DGAT2: variants seen among roughly 807,000 people sequenced by gnomAD.
The protein encoded by DGAT2 is acyl-CoA retinol O-fatty-acyltransferase.
DGAT2 carries 33 observed loss-of-function variants against 48.4 expected under a neutral mutation model. That is an observed-to-expected ratio of 0.68 (90% CI 0.52 to 0.91). The LOEUF (loss-of-function observed/expected upper bound fraction) is 0.91, where lower values mean the gene tolerates loss of function less well. Ranked by LOEUF, DGAT2 falls within the 40% of genes least tolerant of loss-of-function variation. The pLI is 0.00. For missense variants in DGAT2, 446 were observed against 493.7 expected, an observed-to-expected ratio of 0.90 and a Z score of 0.92; for synonymous variants, 191 against 194.1, an observed-to-expected ratio of 0.98 and a Z score of 0.13.
intron 1 of DGAT2, among the ~76,000 whole-genome samples, chr11:75,773,227 T>G (rs543334266): frequency 3.9e-5 from 6 of 152,342 alleles, no homozygotes; most frequent in African/African-American, 1.2e-4. Flanking sequence ...CCTCTGTCCC[T>G]GTAACCACCT....
At chr11:75,789,488 C>T (rs949271159) in intron 2 of DGAT2, among the ~76,000 whole-genome samples, 11 of 152,112 alleles carry the variant, frequency 7.2e-5, no homozygotes, top group Non-Finnish European at 1.2e-4. Context: ...ATGGGCTCTG[C>T]GCTTTGGCCT....
chr11:75,773,016 A>G (rs1426955987), intron 1 of DGAT2, among the ~76,000 whole-genome samples: 8 of 152,174 alleles, frequency 5.3e-5, no homozygotes, highest in African/African-American at 1.9e-4. Context: ...AACAAACAGA[A>G]AAAGAATATG....
rs1349052780 is a variant in DGAT2, at chr11:75,800,737, G to A, written c.*229G>A. On this transcript the variant is annotated 3_prime_UTR_variant, in exon 8 of 8. Coordinates refer to ENST00000228027, the MANE Select transcript of DGAT2 (RefSeq NM_032564.5). ...TGGTGGCTAAATCTGGGCCTAATCT[G>A]GGTGGCTCAGCTAACCTCTCTTCTT... The A allele has an allele frequency of 7.8e-6, 4 of 510,510 alleles. No homozygotes were observed. Among genetic ancestry groups the A allele is most frequent in the Non-Finnish European group, 1.4e-5 (4 of 291,338 alleles). 31.6% of individuals were successfully genotyped at this position (510,510 alleles called of 1,614,324 possible).
intron 1 of DGAT2, among the ~76,000 whole-genome samples, chr11:75,783,877 A>T (rs897858378): frequency 2.0e-5 from 3 of 152,138 alleles, no homozygotes; most frequent in Admixed American, 1.3e-4. Flanking sequence ...CACTTGATTG[A>T]TAGTGAACAT....
At chr11:75,798,715 G>A (rs530802899) in intron 7 of DGAT2, among the ~76,000 whole-genome samples, 1 of 152,306 alleles carries the variant, frequency 6.6e-6, no homozygotes, top group African/African-American at 2.4e-5. Flanking sequence ...GACTATTGCA[G>A]CAAAGACTAG....
At chr11:75,792,667 C>T (rs946098520) in intron 4 of DGAT2, 2 of 152,090 alleles carry the variant, frequency 1.3e-5, no homozygotes, top group African/African-American at 4.8e-5. Context: ...GTGTTAGCAA[C>T]AGCCACCGAG....
chr11:75,769,811 AC>A (rs1406264423), intron 1 of DGAT2, among the ~76,000 whole-genome samples: 1 of 151,784 alleles, frequency 6.6e-6, no homozygotes, highest in African/African-American at 2.4e-5. Flanking sequence ...TGATGCCTTG[AC>A]CCCTGGATTC....
intron 1 of DGAT2, among the ~76,000 whole-genome samples, chr11:75,773,278 C>T (rs1944775252): frequency 6.6e-6 from 1 of 152,142 alleles, no homozygotes; most frequent in Non-Finnish European, 1.5e-5. Context: ...TGTTCCCTGC[C>T]CTGGAGGTAC....
intron 5 of DGAT2, 60 bp from the exon 6 acceptor site, chr11:75,797,098 C>A: frequency 7.1e-7 from 1 of 1,415,834 alleles, no homozygotes; most frequent in Non-Finnish European, 9.3e-7. Context: ...TGACTGTGTG[C>A]CGGGGATGGG....
At chr11:75,779,982 C>T (rs1944843242) in intron 1 of DGAT2, among the ~76,000 whole-genome samples, 1 of 152,230 alleles carries the variant, frequency 6.6e-6, no homozygotes, top group Non-Finnish European at 1.5e-5. Context: ...ATGAGCCCCT[C>T]TTACCACAGA....
At chr11:75,769,409 G>C (rs1205551340) in intron 1 of DGAT2, among the ~76,000 whole-genome samples, 2 of 152,026 alleles carry the variant, frequency 1.3e-5, no homozygotes, top group African/African-American at 4.8e-5. Flanking sequence ...TCACCAGGTA[G>C]AGCGAGCTTT....
At chr11:75,771,031 T>C (rs1185908588) in intron 1 of DGAT2, among the ~76,000 whole-genome samples, 1 of 152,030 alleles carries the variant, frequency 6.6e-6, no homozygotes, top group Non-Finnish European at 1.5e-5. Flanking sequence ...CCTCTGTGGG[T>C]AAGGTCCCAC....
At chr11:75,786,273 C>T (rs1279391547) in intron 2 of DGAT2, among the ~76,000 whole-genome samples, 1 of 152,150 alleles carries the variant, frequency 6.6e-6, no homozygotes, top group Non-Finnish European at 1.5e-5. Flanking sequence ...ACAGTGTGAC[C>T]CCTTCTTGTT....
intron 1 of DGAT2, among the ~76,000 whole-genome samples, chr11:75,774,438 AAC>A (rs1944786689): frequency 6.6e-6 from 1 of 152,242 alleles, no homozygotes; most frequent in Non-Finnish European, 1.5e-5. Context: ...AGAAATGGGA[AAC>A]ACAAACTCCT....
intron 1 of DGAT2, among the ~76,000 whole-genome samples, chr11:75,773,553 G>T (rs1248951499): frequency 6.6e-6 from 1 of 152,230 alleles, no homozygotes; most frequent in East Asian, 1.9e-4. Context: ...GTGAACTTGT[G>T]ACATTCATGT....
chr11:75,774,775 A>G (rs1161802799), intron 1 of DGAT2, among the ~76,000 whole-genome samples: 2 of 152,126 alleles, frequency 1.3e-5, no homozygotes, highest in South Asian at 2.1e-4. Flanking sequence ...ATATATTGTG[A>G]TGGGGACGTA....
At chr11:75,783,515 C>T (rs1036399222) in intron 1 of DGAT2, among the ~76,000 whole-genome samples, 4 of 152,148 alleles carry the variant, frequency 2.6e-5, no homozygotes, top group Non-Finnish European at 5.9e-5. Flanking sequence ...GGTCATGAGA[C>T]CCTCAAGGAC....
At chr11:75,789,233 T>G (rs1267504317) in intron 2 of DGAT2, among the ~76,000 whole-genome samples, 2 of 152,124 alleles carry the variant, frequency 1.3e-5, no homozygotes, top group Non-Finnish European at 2.9e-5. Flanking sequence ...CACTGCAGCT[T>G]CAAACTCCTG....
intron 1 of DGAT2, 70 bp downstream of exon 1, chr11:75,769,182 G>T: frequency 6.7e-7 from 1 of 1,493,780 alleles, no homozygotes; most frequent in Non-Finnish European, 8.8e-7. Flanking sequence ...TGGCAGGCTG[G>T]TGGGTACTGA....
Sources: gnomAD v4.1 joint callset for allele counts (sites outside exome capture counted in the v4.1 genomes callset) on GRCh38, gnomAD v4.1.1 for gene constraint, MANE v1.5 for transcripts, NCBI Gene and HGNC (gene_info 2026-07-23, HGNC 2026-07-21) for gene names.